The following ZYG11A variants were observed in gnomAD, a reference collection of about 807,000 sequenced individuals.
ZYG11A encodes the protein protein zyg-11 homolog A.
In ZYG11A, 62 loss-of-function variants were observed where a neutral mutation model predicts 77.2. The observed-to-expected ratio is 0.80, with a 90% CI of 0.65 to 0.99. The LOEUF (loss-of-function observed/expected upper bound fraction) is 0.99. Ranked by LOEUF, ZYG11A falls within the 50% of genes least tolerant of loss-of-function variation. The pLI, the probability that ZYG11A is intolerant of heterozygous loss-of-function variation, is 0.00. For missense variants in ZYG11A, 828 were observed against 896.8 expected, an observed-to-expected ratio of 0.92 and a Z score of 0.98; for synonymous variants, 315 against 324.6, an observed-to-expected ratio of 0.97 and a Z score of 0.32.
chr1:52,889,712 CA>C (rs1372120499), intron 13 of ZYG11A, among the ~76,000 whole-genome samples: 29 of 126,760 alleles, frequency 2.3e-4, no homozygotes, highest in African/African-American at 8.3e-4. Flanking sequence ...TGCTAAATAC[CA>C]TTTTTTTTTT....
intron 8 of ZYG11A, among the ~76,000 whole-genome samples, chr1:52,876,639 C>A (rs1319203719): frequency 1.3e-5 from 2 of 152,164 alleles, no homozygotes; most frequent in South Asian, 4.1e-4. Context: ...TGCTCCTGGC[C>A]TTGCTCTCAT....
intron 1 of ZYG11A, among the ~76,000 whole-genome samples, chr1:52,844,694 T>A (rs1468097968): frequency 1.3e-5 from 2 of 151,942 alleles, no homozygotes; most frequent in Middle Eastern, 6.9e-3. Flanking sequence ...GATACTATTG[T>A]AAATACTTTT....
intron 8 of ZYG11A, among the ~76,000 whole-genome samples, chr1:52,874,926 A>G (rs758738571): frequency 1.1e-4 from 16 of 152,220 alleles, no homozygotes; most frequent in Non-Finnish European, 1.9e-4. Context: ...AATAGACTAC[A>G]TTATAGTGTA....
Position 52,860,719 on chromosome 1 carries a change from C to T in ZYG11A, c.1009-12C>T, listed in dbSNP as rs1211257560. 1 of 1,549,394 alleles carries T rather than the reference C, an allele frequency of 6.5e-7. No homozygotes were observed. Among genetic ancestry groups the T allele is most frequent in the East Asian group, 2.4e-5 (1 of 40,922 alleles). ...AATGGTGAAACCTGTTTGGTAACAT[C>T]TTTATTTTCAGGTTGCTGGAGGAGC... On this transcript the variant is annotated splice_polypyrimidine_tract_variant and intron_variant, in intron 3 of 13. Coordinates refer to ENST00000371528, the MANE Select transcript of ZYG11A (RefSeq NM_001004339.3).
chr1:52,891,465 C>T (rs566097907), intron 13 of ZYG11A, among the ~76,000 whole-genome samples: 2 of 151,924 alleles, frequency 1.3e-5, no homozygotes, highest in Admixed American at 6.5e-5. Context: ...GTTTTGTATT[C>T]GCTTCTGTGA....
At chr1:52,852,368 ATTTT>A (rs35540943) in intron 1 of ZYG11A, among the ~76,000 whole-genome samples, 2 of 134,118 alleles carry the variant, frequency 1.5e-5, no homozygotes, top group Non-Finnish European at 3.2e-5. Context: ...TTTAGAGCAA[ATTTT>A]TTTTTTTTTT....
intron 1 of ZYG11A, among the ~76,000 whole-genome samples, chr1:52,850,474 A>G (rs943857759): frequency 2.0e-5 from 3 of 151,868 alleles, no homozygotes; most frequent in South Asian, 2.1e-4. Context: ...GCCTGCCACT[A>G]CACCCGGCCA....
At chr1:52,849,149 C>T (rs1051327765) in intron 1 of ZYG11A, among the ~76,000 whole-genome samples, 2 of 152,070 alleles carry the variant, frequency 1.3e-5, no homozygotes, top group Non-Finnish European at 2.9e-5. Flanking sequence ...CTGTAACCTC[C>T]GATTCCCTGG....
intron 13 of ZYG11A, among the ~76,000 whole-genome samples, chr1:52,891,453 C>T (rs1056853773): frequency 2.6e-5 from 4 of 151,778 alleles, no homozygotes; most frequent in African/African-American, 7.3e-5. Flanking sequence ...GTCCCTGAGG[C>T]GGTTTTGTAT....
At chr1:52,859,913 G>A (rs1645895500) in intron 3 of ZYG11A, among the ~76,000 whole-genome samples, 1 of 151,894 alleles carries the variant, frequency 6.6e-6, no homozygotes, top group Admixed American at 6.6e-5. Context: ...CCTGACCTCA[G>A]GTGATCTGCC....
chr1:52,874,410 A>C (rs886422858), intron 8 of ZYG11A, among the ~76,000 whole-genome samples: 35 of 151,542 alleles, frequency 2.3e-4, no homozygotes, highest in Non-Finnish European at 3.7e-4. Flanking sequence ...ACACCCAGAT[A>C]ATTTTTTACA....
chr1:52,867,802 C>A (rs1421241160), intron 8 of ZYG11A, 25 bp downstream of exon 8: 1 of 1,535,718 alleles, frequency 6.5e-7, no homozygotes. Flanking sequence ...ATGTTCATAA[C>A]CTTTTTTTAA....
Position 52,892,951 on chromosome 1 carries a change from C to G in ZYG11A, c.2274C>G (p.Pro758=), listed in dbSNP as rs985457751. 9 of 1,551,260 alleles carry G rather than the reference C, an allele frequency of 5.8e-6. No homozygotes were observed. The highest frequency in any genetic ancestry group is 7.8e-6 in the Non-Finnish European group (9 of 1,146,806). Residue 758 remains proline (P), a synonymous_variant, in exon 14 of 14, where the codon CCC becomes CCG. Coordinates refer to ENST00000371528, the MANE Select transcript of ZYG11A (RefSeq NM_001004339.3). ...AGAGGCCCACTCTGTGTCAAATGCC[C>G]TTCTGAACCTAAGGAATTTCAGAGG... ...NYQRPTLCQM[P]F
intron 13 of ZYG11A, among the ~76,000 whole-genome samples, chr1:52,891,396 T>C (rs550090578): frequency 2.6e-5 from 4 of 152,020 alleles, no homozygotes; most frequent in African/African-American, 9.7e-5. Context: ...AAGTCAACTT[T>C]AGCAGGGCTT....
At chr1:52,847,642 G>C (rs1361478288) in intron 1 of ZYG11A, among the ~76,000 whole-genome samples, 1 of 150,448 alleles carries the variant, frequency 6.6e-6, no homozygotes, top group African/African-American at 2.4e-5. Flanking sequence ...TCATGGATCT[G>C]ACAGTGTTTC....
intron 8 of ZYG11A, among the ~76,000 whole-genome samples, chr1:52,873,135 C>T (rs1450276624): frequency 6.6e-6 from 1 of 151,992 alleles, no homozygotes; most frequent in South Asian, 2.1e-4. Flanking sequence ...GCCTGGGCAA[C>T]GTGGCGAAAT....
chr1:52,884,167 A>G (rs1557456925), intron 11 of ZYG11A, among the ~76,000 whole-genome samples: 1 of 149,702 alleles, frequency 6.7e-6, no homozygotes, highest in African/African-American at 2.4e-5. Context: ...GGAGTCAGGC[A>G]CTGCACCCGG....
chr1:52,848,234 C>T (rs1274603379), intron 1 of ZYG11A, among the ~76,000 whole-genome samples: 2 of 152,090 alleles, frequency 1.3e-5, no homozygotes, highest in African/African-American at 4.8e-5. Flanking sequence ...AACTCCTGAC[C>T]TGGTGATCCG....
At chr1:52,859,482 C>T (rs1398660000) in intron 3 of ZYG11A, among the ~76,000 whole-genome samples, 1 of 149,990 alleles carries the variant, frequency 6.7e-6, no homozygotes, top group African/African-American at 2.5e-5. Context: ...ACTATAGGCA[C>T]CCACCACCAC....
Sources: allele counts gnomAD v4.1 joint callset (sites outside exome capture counted in the v4.1 genomes callset), GRCh38; gene constraint gnomAD v4.1.1; transcripts MANE v1.5; gene names NCBI Gene and HGNC (gene_info 2026-07-23, HGNC 2026-07-21).